The following MYRIP variants were observed in gnomAD, a reference collection of about 807,000 sequenced individuals.
The protein encoded by MYRIP is myosin VIIA and Rab interacting protein.
In MYRIP, 49 loss-of-function variants were observed where a neutral mutation model predicts 98.0. The observed-to-expected ratio is 0.50, with a 90% CI of 0.40 to 0.63. MYRIP has a LOEUF of 0.63. Ranked by LOEUF, MYRIP falls within the 30% of genes least tolerant of loss-of-function variation. MYRIP has a pLI of 0.00. For synonymous variants in MYRIP, 404 were observed against 409.5 expected, an observed-to-expected ratio of 0.99 and a Z score of 0.16; for missense variants, 1,004 against 1,058.2, an observed-to-expected ratio of 0.95 and a Z score of 0.71.
chr3:39,891,047 T>C (rs1470383273), intron 1 of MYRIP, among the ~76,000 whole-genome samples: 2 of 152,168 alleles, frequency 1.3e-5, no homozygotes, highest in East Asian at 1.9e-4. Context: ...GTCTCTGTCA[T>C]TTTTTATTGT....
intron 1 of MYRIP, among the ~76,000 whole-genome samples, chr3:39,895,279 C>T (rs570949818): frequency 2.0e-5 from 3 of 151,976 alleles, no homozygotes; most frequent in Non-Finnish European, 4.4e-5. Context: ...CTTCGCCTCC[C>T]GGGTTCGAGC....
chr3:39,957,246 T>C (rs143174299), intron 2 of MYRIP, among the ~76,000 whole-genome samples: 4,509 of 151,780 alleles, frequency 0.03, 338 homozygotes, highest in African/African-American at 0.1. Flanking sequence ...TTTAGACCAA[T>C]ATCCCTGATG....
At chr3:40,013,420 C>T (rs1184500954) in intron 2 of MYRIP, among the ~76,000 whole-genome samples, 1 of 152,198 alleles carries the variant, frequency 6.6e-6, no homozygotes, top group African/African-American at 2.4e-5. Context: ...TTTAGGAGCC[C>T]AAGCTGTGCA....
chr3:40,055,311 G>A (rs1297435756), intron 3 of MYRIP, among the ~76,000 whole-genome samples: 1 of 152,078 alleles, frequency 6.6e-6, no homozygotes, highest in Non-Finnish European at 1.5e-5. Flanking sequence ...GTGCTTTAAG[G>A]TTTTTGGGAA....
intron 2 of MYRIP, among the ~76,000 whole-genome samples, chr3:39,948,349 G>GT (rs1944943322): frequency 6.6e-6 from 1 of 152,080 alleles, no homozygotes; most frequent in South Asian, 2.1e-4. Flanking sequence ...ACAAATCAAT[G>GT]TAAGTAAAAG....
intron 1 of MYRIP, among the ~76,000 whole-genome samples, chr3:39,854,560 A>T (rs937438998): frequency 2.6e-5 from 4 of 152,080 alleles, no homozygotes; most frequent in African/African-American, 4.8e-5. Flanking sequence ...GTTTTTTAAA[A>T]TTTTTTTAAG....
intron 3 of MYRIP, among the ~76,000 whole-genome samples, chr3:40,142,542 A>G (rs533346224): frequency 1.3e-4 from 20 of 152,204 alleles, no homozygotes; most frequent in African/African-American, 4.6e-4. Context: ...GGCACCTCGC[A>G]ACCTCTGCCT....
At chr3:40,163,502 G>A (rs191506435) in intron 5 of MYRIP, among the ~76,000 whole-genome samples, 7 of 152,288 alleles carry the variant, frequency 4.6e-5, no homozygotes, top group East Asian at 3.9e-4. Context: ...AAGAAGATCC[G>A]CCCTCATCAG....
chr3:40,210,291 G>A (rs1176728874), intron 11 of MYRIP, among the ~76,000 whole-genome samples, 198 bp downstream of exon 11: 1 of 152,162 alleles, frequency 6.6e-6, no homozygotes, highest in Non-Finnish European at 1.5e-5. Flanking sequence ...CAGCATCATG[G>A]AAGTTTCCCA....
intron 2 of MYRIP, among the ~76,000 whole-genome samples, chr3:39,991,899 C>G (rs1208404727): frequency 1.3e-5 from 2 of 152,150 alleles, no homozygotes; most frequent in East Asian, 1.9e-4. Flanking sequence ...ACTGATATAG[C>G]CTGTGTTCCT....
intron 3 of MYRIP, among the ~76,000 whole-genome samples, chr3:40,068,207 A>G (rs900000353): frequency 8.5e-5 from 13 of 152,206 alleles, no homozygotes; most frequent in African/African-American, 3.1e-4. Context: ...GGCTCTTCTT[A>G]AATAGTACTA....
intron 2 of MYRIP, among the ~76,000 whole-genome samples, chr3:39,903,658 G>C (rs1943800296): frequency 6.6e-6 from 1 of 152,194 alleles, no homozygotes; most frequent in Non-Finnish European, 1.5e-5. Context: ...AACTGGCACT[G>C]CCCTGGGTAC....
intron 3 of MYRIP, among the ~76,000 whole-genome samples, chr3:40,119,110 GAGTCAAAT>G (rs1949344889): frequency 6.6e-6 from 1 of 151,934 alleles, no homozygotes; most frequent in African/African-American, 2.4e-5. Context: ...TGGGATGGCT[GAGTCAAAT>G]GGTATTTCTA....
intron 2 of MYRIP, among the ~76,000 whole-genome samples, chr3:39,927,098 G>A (rs2125696108): frequency 6.6e-6 from 1 of 152,058 alleles, no homozygotes; most frequent in South Asian, 2.1e-4. Flanking sequence ...TTGTAAATGG[G>A]ATTGCTTTCT....
chr3:39,961,055 T>A (rs34994248), intron 2 of MYRIP, among the ~76,000 whole-genome samples: 8 of 152,316 alleles, frequency 5.3e-5, no homozygotes, highest in Middle Eastern at 6.8e-3. Context: ...GATACAAGCA[T>A]TTCCCTAACT....
chr3:39,886,386 A>C (rs1192325595), intron 1 of MYRIP, among the ~76,000 whole-genome samples: 1 of 150,432 alleles, frequency 6.6e-6, no homozygotes, highest in Non-Finnish European at 1.5e-5. Flanking sequence ...TAAAAGACAC[A>C]GACTGGCAAA....
chr3:40,180,650 T>C (rs531445893), intron 8 of MYRIP, among the ~76,000 whole-genome samples: 4 of 152,170 alleles, frequency 2.6e-5, no homozygotes, highest in Non-Finnish European at 4.4e-5. Flanking sequence ...CTATGACCAT[T>C]GCATCGAAAG....
At chr3:40,062,868 G>C (rs1459438551) in intron 3 of MYRIP, among the ~76,000 whole-genome samples, 1 of 152,106 alleles carries the variant, frequency 6.6e-6, no homozygotes, top group African/African-American at 2.4e-5. Context: ...ATTAGCTCTT[G>C]AGATGTCTTT....
rs114028275 is a variant in MYRIP at position 39,928,521 on chromosome 3, C to A, written c.110+27595C>A. On this transcript the variant is annotated intron_variant, in intron 2 of 16. Transcript: ENST00000302541. ...TTATTTCAGAGATGCAAAGCTGGTTCAGTTTTAAAAAAACAATCAATGTAA... is the reference window on the plus strand; with the variant it reads ...TTATTTCAGAGATGCAAAGCTGGTTAAGTTTTAAAAAAACAATCAATGTAA... Among the ~76,000 whole-genome samples the A allele has an allele frequency of 1.5e-4, 22 of 151,584 alleles. No individual in the cohort carries two copies. The East Asian group carries it at 4.1e-3, about 28-fold the overall frequency.
Sources: gnomAD v4.1 joint callset for allele counts (sites outside exome capture counted in the v4.1 genomes callset) on GRCh38, gnomAD v4.1.1 for gene constraint, MANE v1.5 for transcripts, NCBI Gene and HGNC (gene_info 2026-07-23, HGNC 2026-07-21) for gene names.